WWOX: variants seen among roughly 807,000 people sequenced by gnomAD.
WWOX encodes the protein WW domain containing oxidoreductase.
WWOX carries 69 observed loss-of-function variants against 46.2 expected under a neutral mutation model. That is an observed-to-expected ratio of 1.49 (90% CI 1.23 to 1.82). The LOEUF (loss-of-function observed/expected upper bound fraction) is 1.82, where lower values mean the gene tolerates loss of function less well. Among genes scored for constraint, WWOX ranks in the 40% most tolerant of loss-of-function variants. The probability of loss-of-function intolerance (pLI) is 0.00; values close to 1 mark genes in which losing one functional copy is unlikely to be tolerated. For missense variants in WWOX, 919 were observed against 542.6 expected, an observed-to-expected ratio of 1.69 and a Z score of -6.89; for synonymous variants, 359 against 202.6, an observed-to-expected ratio of 1.77 and a Z score of -6.56.
At chr16:79,005,349 G>A (rs955325829) in intron 8 of WWOX, among the ~76,000 whole-genome samples, 32 of 152,176 alleles carry the variant, frequency 2.1e-4, no homozygotes, top group African/African-American at 7.2e-4. Flanking sequence ...GCTAAGCACA[G>A]TCACAGAAAT....
At chr16:79,030,748 C>T (rs987069148) in intron 8 of WWOX, among the ~76,000 whole-genome samples, 2 of 152,086 alleles carry the variant, frequency 1.3e-5, no homozygotes, top group African/African-American at 4.8e-5. Context: ...ATCAAACAAA[C>T]ACCATGCCAA....
intron 6 of WWOX, among the ~76,000 whole-genome samples, chr16:78,395,508 T>G (rs1484434502): frequency 1.3e-5 from 2 of 151,794 alleles, no homozygotes; most frequent in Admixed American, 1.3e-4. Context: ...CCAGAACCTG[T>G]CTTGTAAAGA....
chr16:78,736,415 T>G (rs895762990), intron 8 of WWOX, among the ~76,000 whole-genome samples: 7 of 152,170 alleles, frequency 4.6e-5, no homozygotes, highest in African/African-American at 7.2e-5. Flanking sequence ...AAAGGGGATC[T>G]GACCAGGCCA....
chr16:78,899,823 C>T (rs572793829), intron 8 of WWOX, among the ~76,000 whole-genome samples: 4 of 152,280 alleles, frequency 2.6e-5, no homozygotes, highest in South Asian at 2.1e-4. Context: ...AAAACTAGCG[C>T]GTGGTCTGTT....
At chr16:79,097,591 G>C (rs1419387492) in intron 8 of WWOX, among the ~76,000 whole-genome samples, 1 of 152,182 alleles carries the variant, frequency 6.6e-6, no homozygotes, top group African/African-American at 2.4e-5. Context: ...GAGAACCAGA[G>C]AGAGCCCCTC....
chr16:78,901,396 C>G (rs1365718489), intron 8 of WWOX, among the ~76,000 whole-genome samples: 1 of 152,180 alleles, frequency 6.6e-6, no homozygotes, highest in Non-Finnish European at 1.5e-5. Context: ...AATTCTTTCT[C>G]TTTTTTTCCT....
intron 8 of WWOX, among the ~76,000 whole-genome samples, chr16:79,035,817 A>C (rs766123110): frequency 1.1e-4 from 16 of 152,180 alleles, no homozygotes; most frequent in East Asian, 1.9e-4. Flanking sequence ...ACGGTGGCCA[A>C]GTTGGTGCTG....
intron 8 of WWOX, among the ~76,000 whole-genome samples, chr16:78,794,652 G>C (rs577191484): frequency 2.0e-5 from 3 of 152,312 alleles, no homozygotes; most frequent in South Asian, 2.1e-4. Context: ...GCAAGACCTT[G>C]GTAAGTTATA....
Position 79,045,485 on chromosome 16 carries a change from G to A in WWOX, c.1057-166123G>A, listed in dbSNP as rs111910840. On this transcript the variant is annotated intron_variant, in intron 8 of 8. Transcript: ENST00000566780. ...AGTTGCCAGCTGACCTCTCCAGAAA[G>A]AGAGACTATGTTGTTAGTTTCCCTT... is the stretch of plus-strand genomic sequence containing the variant. 1.2e-4 allele frequency among the ~76,000 whole-genome samples: 19 copies of A among 152,284 alleles called. 1 individual carries two copies. Among genetic ancestry groups the A allele is most frequent in the African/African-American group, 3.8e-4 (16 of 41,568 alleles).
intron 8 of WWOX, among the ~76,000 whole-genome samples, chr16:78,878,429 C>T (rs1450509658): frequency 1.3e-5 from 2 of 152,108 alleles, no homozygotes; most frequent in Admixed American, 1.3e-4. Context: ...GTTTATTCTT[C>T]AGCTAAATGA....
At chr16:78,983,356 C>G (rs2046720276) in intron 8 of WWOX, among the ~76,000 whole-genome samples, 3 of 152,172 alleles carry the variant, frequency 2.0e-5, no homozygotes, top group Non-Finnish European at 4.4e-5. Flanking sequence ...CCGTGGTGTT[C>G]TTTCTTAAGT....
At chr16:78,403,717 A>T (rs78051441) in intron 6 of WWOX, among the ~76,000 whole-genome samples, 3,304 of 152,338 alleles carry the variant, frequency 0.022, 106 homozygotes, top group African/African-American at 0.076. Flanking sequence ...AGATTGTCCC[A>T]CAAGGAAAGC....
intron 4 of WWOX, among the ~76,000 whole-genome samples, chr16:78,162,061 A>T (rs1225532253): frequency 6.6e-6 from 1 of 152,118 alleles, no homozygotes; most frequent in Non-Finnish European, 1.5e-5. Context: ...GTTTATAGCT[A>T]AGGTCATTTT....
chr16:78,654,101 G>C (rs563378249), intron 8 of WWOX, among the ~76,000 whole-genome samples: 3 of 152,308 alleles, frequency 2.0e-5, no homozygotes, highest in South Asian at 4.1e-4. Flanking sequence ...AATCCAGGTA[G>C]AGAGAAACTC....
chr16:78,432,522 G>T lies in WWOX; in HGVS notation c.826G>T (p.Asp276Tyr), dbSNP rs1213814231. The T allele has an allele frequency of 1.2e-6, 2 of 1,614,080 alleles. No individual in the cohort carries two copies. The highest frequency in any genetic ancestry group is 1.3e-5 in the African/African-American group (1 of 75,016). The stretch of plus-strand genomic sequence containing the variant: ...TATTAACGACTCCTTGGGAAAACTG[G>T]ACTTCAGTCGCCTCTCTCCAACAAA... Reference protein sequence around the residue: ...TDINDSLGKLDFSRLSPTKND... With the variant: ...TDINDSLGKLYFSRLSPTKND... The change falls in exon 8 of 9, where the codon GAC becomes TAC. Residue 276 changes from aspartate (D) to tyrosine (Y), a missense_variant. Coordinates refer to ENST00000566780, the MANE Select transcript of WWOX (RefSeq NM_016373.4).
chr16:78,146,596 G>A (rs115341917), intron 4 of WWOX, among the ~76,000 whole-genome samples: 12 of 152,228 alleles, frequency 7.9e-5, no homozygotes, highest in East Asian at 5.8e-4. Context: ...TATTTCACCC[G>A]TCCCTCATCA....
intron 8 of WWOX, among the ~76,000 whole-genome samples, chr16:78,568,860 C>A (rs1178838470): frequency 6.6e-6 from 1 of 152,236 alleles, no homozygotes; most frequent in Non-Finnish European, 1.5e-5. Context: ...TTTTCTGCTT[C>A]TGTCTTACAC....
At chr16:78,519,190 C>T (rs917677094) in intron 8 of WWOX, among the ~76,000 whole-genome samples, 11 of 152,034 alleles carry the variant, frequency 7.2e-5, no homozygotes, top group Non-Finnish European at 1.6e-4. Flanking sequence ...AAACGAGGCT[C>T]TTGATGTTAC....
chr16:78,233,124 G>C (rs1169156482), intron 5 of WWOX, among the ~76,000 whole-genome samples: 1 of 152,194 alleles, frequency 6.6e-6, no homozygotes, highest in Admixed American at 6.5e-5. Context: ...GATCACTTTA[G>C]CTGAAACCAG....
Sources: allele counts gnomAD v4.1 joint callset (sites outside exome capture counted in the v4.1 genomes callset), GRCh38; gene constraint gnomAD v4.1.1; transcripts MANE v1.5; gene names NCBI Gene and HGNC (gene_info 2026-07-23, HGNC 2026-07-21).